Variants in PATJ observed in about 807,000 individuals in gnomAD.
The protein encoded by PATJ is inaD-like protein.
A neutral mutation model predicts 224.9 loss-of-function variants in PATJ; 190 were observed. That is an observed-to-expected ratio of 0.84 (90% CI 0.75 to 0.95). PATJ has a LOEUF of 0.95. PATJ is among the 40% of genes least tolerant of loss of function. The pLI, the probability that PATJ is intolerant of heterozygous loss-of-function variation, is 0.00. For missense variants in PATJ, 2,121 were observed against 2,270.3 expected (o/e 0.93, Z 1.34); for synonymous variants, 769 against 820.3 (o/e 0.94, Z 1.07).
At chr1:61,881,860 C>A (rs1330671478) in intron 21 of PATJ, among the ~76,000 whole-genome samples, 2 of 152,156 alleles carry the variant, frequency 1.3e-5, no homozygotes, top group Non-Finnish European at 2.9e-5. Context: ...ATCAAAGATA[C>A]ACTTGTTCCG....
intron 20 of PATJ, among the ~76,000 whole-genome samples, chr1:61,865,797 T>A (rs1665330856): frequency 6.6e-6 from 1 of 152,104 alleles, no homozygotes; most frequent in Non-Finnish European, 1.5e-5. Flanking sequence ...CTCTCTGAGG[T>A]TGGCACCTTT....
chr1:61,749,321 T>C (rs940527001), intron 1 of PATJ, among the ~76,000 whole-genome samples: 4 of 152,044 alleles, frequency 2.6e-5, no homozygotes, highest in Admixed American at 2.0e-4. Flanking sequence ...GTAATTTTTA[T>C]TAACTCTTTT....
Position 61,765,206 on chromosome 1 carries a change from C to T in PATJ, c.190-1073C>T, listed in dbSNP as rs111298265. ...CCTCCCACTTCATCCTCCCAAGTAG[C>T]TGGGCCTACAGGCATGTGACACCAT... On this transcript the variant is annotated intron_variant, in intron 3 of 43. Coordinates refer to ENST00000642238, the MANE Select transcript of PATJ (RefSeq NM_001350145.3). Among the ~76,000 whole-genome samples, 356 of 148,360 alleles carry T rather than the reference C, an allele frequency of 2.4e-3. 3 individuals carry two copies. Among genetic ancestry groups the T allele is most frequent in the African/African-American group, 8.4e-3 (339 of 40,568 alleles).
At chr1:61,939,394 C>T (rs1677433457) in intron 27 of PATJ, among the ~76,000 whole-genome samples, 1 of 148,058 alleles carries the variant, frequency 6.8e-6, no homozygotes, top group East Asian at 2.0e-4. Flanking sequence ...AGTCAGAGGA[C>T]AATAGAAAAA....
intron 31 of PATJ, among the ~76,000 whole-genome samples, chr1:62,077,918 G>A (rs1287192207): frequency 2.0e-5 from 3 of 152,122 alleles, no homozygotes; most frequent in East Asian, 1.9e-4. Context: ...TTTAACTGTC[G>A]GGGTTGTTCA....
intron 28 of PATJ, among the ~76,000 whole-genome samples, chr1:61,997,316 C>T (rs1040726581): frequency 2.6e-5 from 4 of 152,168 alleles, no homozygotes; most frequent in African/African-American, 9.7e-5. Flanking sequence ...TGATCTGCAA[C>T]CCGGTTCACA....
rs1033036765 is a variant in PATJ at position 62,058,049 on chromosome 1, T to G, written c.4125+6991T>G. Among the ~76,000 whole-genome samples, 6 of 152,238 alleles carry G rather than the reference T, an allele frequency of 3.9e-5. No individual in the cohort carries two copies. In the East Asian group the frequency reaches 1.2e-3, roughly 29 times the overall value. ...TGATTTTTCAAATTTCCAGTGGTAT[T>G]TGTCTTTACTGTTGTCTTTCATTGT... On this transcript the variant is annotated intron_variant, in intron 31 of 43. Transcript: ENST00000642238.
At chr1:62,027,208 T>C (rs1648138673) in intron 29 of PATJ, among the ~76,000 whole-genome samples, 1 of 152,250 alleles carries the variant, frequency 6.6e-6, no homozygotes. Flanking sequence ...CTCACATAAG[T>C]GGACTCATGC....
intron 31 of PATJ, among the ~76,000 whole-genome samples, chr1:62,076,956 T>C (rs1280246756): frequency 6.6e-6 from 1 of 152,158 alleles, no homozygotes; most frequent in Non-Finnish European, 1.5e-5. Context: ...GTGTGGTCAG[T>C]TGGGGAATGA....
chr1:61,959,435 T>TATATATAATATATATATATATA (rs1430411264), intron 27 of PATJ, among the ~76,000 whole-genome samples: 6 of 104,360 alleles, frequency 5.7e-5, no homozygotes, highest in African/African-American at 2.4e-4. Context: ...ATTTTTTTTC[T>TATATATAATATATATATATATA]TTTCTTTTTT....
chr1:61,761,272 C>T (rs1213704121), intron 1 of PATJ, among the ~76,000 whole-genome samples: 1 of 152,042 alleles, frequency 6.6e-6, no homozygotes, highest in Non-Finnish European at 1.5e-5. Flanking sequence ...CTGCTCCTGG[C>T]CTGGTTCAAT....
intron 17 of PATJ, among the ~76,000 whole-genome samples, chr1:61,838,994 T>C (rs1205899001): frequency 6.6e-6 from 1 of 152,178 alleles, no homozygotes; most frequent in East Asian, 1.9e-4. Flanking sequence ...GATACTCTTA[T>C]TGTTGTCATT....
chr1:61,812,125 C>T (rs1443862847), intron 14 of PATJ, among the ~76,000 whole-genome samples: 1 of 151,994 alleles, frequency 6.6e-6, no homozygotes, highest in Non-Finnish European at 1.5e-5. Flanking sequence ...ATTTCTTCAA[C>T]ATGTTAACCA....
chr1:61,832,918 C>T (rs1474360062), intron 16 of PATJ, among the ~76,000 whole-genome samples: 2 of 152,074 alleles, frequency 1.3e-5, no homozygotes, highest in East Asian at 3.9e-4. Flanking sequence ...CCTGGAATTC[C>T]ACATAGCAAT....
At chr1:61,795,613 A>G (rs1195348548) in intron 10 of PATJ, 55 bp downstream of exon 10, 2 of 1,040,354 alleles carry the variant, frequency 1.9e-6, no homozygotes, top group South Asian at 1.3e-5. Context: ...AAGGTTGATC[A>G]TTATTATAAT....
chr1:61,776,517 A>C (rs182666542), intron 7 of PATJ, among the ~76,000 whole-genome samples: 1 of 152,312 alleles, frequency 6.6e-6, no homozygotes, highest in African/African-American at 2.4e-5. Flanking sequence ...AAAATGATTA[A>C]TTTTAGTAAA....
intron 17 of PATJ, among the ~76,000 whole-genome samples, chr1:61,853,828 A>G (rs924773750): frequency 1.3e-5 from 2 of 152,206 alleles, no homozygotes; most frequent in African/African-American, 4.8e-5. Context: ...CTACTTTATT[A>G]GTGAGTTCCC....
chr1:61,843,719 C>CA (rs60980933), intron 17 of PATJ, among the ~76,000 whole-genome samples: 28,331 of 109,730 alleles, frequency 0.26, 3,378 homozygotes, highest in African/African-American at 0.4. Context: ...GATCAGGTCT[C>CA]AAAAAAAAAA....
At chr1:61,811,262 T>G (rs4915781) in intron 14 of PATJ, among the ~76,000 whole-genome samples, 64,722 of 151,946 alleles carry the variant, frequency 0.43, 15,114 homozygotes, top group Middle Eastern at 0.59. Context: ...GAGTTTCATT[T>G]TTATTGCCTA....
Sources: gnomAD v4.1 joint callset for allele counts (sites outside exome capture counted in the v4.1 genomes callset) on GRCh38, gnomAD v4.1.1 for gene constraint, MANE v1.5 for transcripts, NCBI Gene and HGNC (gene_info 2026-07-23, HGNC 2026-07-21) for gene names.